Variants in VRK2 observed in about 807,000 individuals in gnomAD.
VRK2 encodes the protein VRK serine/threonine kinase 2, also known as serine/threonine-protein kinase VRK2.
VRK2 carries 60 observed loss-of-function variants against 57.6 expected under a neutral mutation model. That is an observed-to-expected ratio of 1.04 (90% confidence interval 0.85 to 1.29). The LOEUF (loss-of-function observed/expected upper bound fraction) is 1.29, where lower values mean the gene tolerates loss of function less well. Ranked by LOEUF, VRK2 falls within the 50% of genes most tolerant of loss-of-function variation. The pLI is 0.00. For missense variants in VRK2, 705 were observed against 588.1 expected, an observed-to-expected ratio of 1.20 and a Z score of -2.06; for synonymous variants, 231 against 199.2, an observed-to-expected ratio of 1.16 and a Z score of -1.35.
chr2:58,011,489 ATAAT>A (rs1316351233), intron 1 of VRK2, among the ~76,000 whole-genome samples: 4 of 152,194 alleles, frequency 2.6e-5, no homozygotes, highest in African/African-American at 9.6e-5. Context: ...AGTATTGTAA[ATAAT>A]TATTTAGTAT....
At chr2:58,128,988 A>G (rs777846094) in intron 8 of VRK2, among the ~76,000 whole-genome samples, 1 of 152,184 alleles carries the variant, frequency 6.6e-6, no homozygotes, top group Non-Finnish European at 1.5e-5. Flanking sequence ...TTACTTTGGC[A>G]ATACTTTATA....
chr2:57,968,831 T>C (rs1054582621), intron 1 of VRK2, among the ~76,000 whole-genome samples: 2 of 152,050 alleles, frequency 1.3e-5, no homozygotes, highest in Non-Finnish European at 2.9e-5. Flanking sequence ...ATTCATGGAA[T>C]GTTAAAAAAT....
chr2:58,148,643 T>G (rs1475618983), intron 12 of VRK2, among the ~76,000 whole-genome samples: 1 of 151,808 alleles, frequency 6.6e-6, no homozygotes, highest in African/African-American at 2.4e-5. Context: ...TATACAAGGC[T>G]CATGGTTTTA....
In VRK2 at chr2:58,037,950, G is replaced by A. The variant is rs192901854; in HGVS notation, c.-6+4397G>A. Among the ~76,000 whole-genome samples, 50 of 152,180 alleles carry A rather than the reference G, an allele frequency of 3.3e-4. No homozygotes were observed. In the South Asian group the frequency reaches 9.5e-3, roughly 29 times the overall value. On this transcript the variant is annotated intron_variant, in intron 3 of 15. Transcript: ENST00000417641. ...GAAAATATAAAAGACTGAAAAACAG[G>A]CAGTGTAGCAAGTATTCATTCAACA... is the stretch of plus-strand genomic sequence containing the variant.
chr2:57,979,206 G>A (rs911480583), intron 1 of VRK2, among the ~76,000 whole-genome samples: 3 of 150,996 alleles, frequency 2.0e-5, no homozygotes, highest in African/African-American at 7.4e-5. Flanking sequence ...GGGTCAAATG[G>A]TATTTCTGGT....
intron 1 of VRK2, among the ~76,000 whole-genome samples, chr2:57,966,980 G>A (rs991999245): frequency 2.6e-5 from 4 of 152,122 alleles, no homozygotes; most frequent in African/African-American, 9.7e-5. Context: ...TAGTAGAAAC[G>A]TTCGGTTTGA....
chr2:57,933,085 A>G (rs1196827467), intron 1 of VRK2, among the ~76,000 whole-genome samples: 9 of 151,956 alleles, frequency 5.9e-5, no homozygotes, highest in Non-Finnish European at 1.3e-4. Flanking sequence ...TATTTTGTGG[A>G]CTACGATATG....
intron 1 of VRK2, among the ~76,000 whole-genome samples, chr2:57,988,642 G>C (rs1019155574): frequency 1.3e-5 from 2 of 152,164 alleles, no homozygotes; most frequent in Non-Finnish European, 2.9e-5. Context: ...TCTGCCCTAA[G>C]GCATTAGAGT....
intron 1 of VRK2, among the ~76,000 whole-genome samples, chr2:57,919,789 A>G (rs1266066785): frequency 1.3e-5 from 2 of 152,116 alleles, no homozygotes; most frequent in African/African-American, 4.8e-5. Flanking sequence ...TAATGGGAAA[A>G]CACTAATCCA....
Position 58,035,649 on chromosome 2 carries a change from C to G in VRK2, c.-6+2096C>G, listed in dbSNP as rs186572172. On this transcript the variant is annotated intron_variant, in intron 3 of 15. Coordinates refer to the VRK2 transcript ENST00000417641. ...CATTTGAATGTTCATTACCCTTATC[C>G]AATCAATTCAACATTGCTAACTTTA... 9.8e-4 allele frequency among the ~76,000 whole-genome samples: 149 copies of G among 152,098 alleles called. 1 individual carries two copies. Among genetic ancestry groups the G allele is most frequent in the African/African-American group, 3.6e-3 (148 of 41,514 alleles).
In VRK2 at chr2:58,159,589, T is replaced by G. The variant is rs1684750918; in HGVS notation, c.1423T>G (p.Ser475Ala). 6.2e-7 allele frequency: 1 copy of G among 1,613,754 alleles called. No individual in the cohort carries two copies. Among genetic ancestry groups the G allele is most frequent in the African/African-American group, 1.3e-5 (1 of 74,918 alleles). ...ESSTGLWPTI[S>A]QFTLSEETNA... is the part of the protein sequence containing the mutation. ...TTCAACTGGACTTTGGCCTACAATTTCCCAGTTTACTCTTAGTGAAGAGAC... is the reference window on the plus strand; with the variant it reads ...TTCAACTGGACTTTGGCCTACAATTGCCCAGTTTACTCTTAGTGAAGAGAC... The change falls in exon 13 of 13, where the codon TCC becomes GCC. Residue 475 changes from serine (S) to alanine (A), a missense_variant. Coordinates refer to ENST00000340157, the MANE Select transcript of VRK2 (RefSeq NM_006296.7).
chr2:58,072,212 G>C (rs1210338408), intron 2 of VRK2, among the ~76,000 whole-genome samples: 1 of 151,868 alleles, frequency 6.6e-6, no homozygotes, highest in Non-Finnish European at 1.5e-5. Context: ...CATGTCATAT[G>C]TGAACAAAGA....
At chr2:58,024,402 T>TG (rs1194665723) in intron 1 of VRK2, among the ~76,000 whole-genome samples, 1 of 152,028 alleles carries the variant, frequency 6.6e-6, no homozygotes, top group Non-Finnish European at 1.5e-5. Context: ...GAAGTTTTTT[T>TG]GGGGGGGTGC....
intron 8 of VRK2, among the ~76,000 whole-genome samples, chr2:58,125,298 A>G (rs1363315439): frequency 6.6e-6 from 1 of 152,032 alleles, no homozygotes; most frequent in Non-Finnish European, 1.5e-5. Flanking sequence ...AATCTGAAAG[A>G]CCTATTCAAT....
chr2:58,112,075 A>T (rs760385469), intron 7 of VRK2, among the ~76,000 whole-genome samples: 3 of 152,180 alleles, frequency 2.0e-5, no homozygotes, highest in African/African-American at 7.2e-5. Context: ...TGACTTCAAC[A>T]TAATTTCAGA....
intron 1 of VRK2, among the ~76,000 whole-genome samples, chr2:57,939,540 G>T (rs1387858163): frequency 6.6e-6 from 1 of 152,110 alleles, no homozygotes; most frequent in Non-Finnish European, 1.5e-5. Context: ...ACACATGGCT[G>T]CACAGAGCAC....
At chr2:58,118,080 T>C (rs1676802421) in intron 7 of VRK2, among the ~76,000 whole-genome samples, 1 of 151,406 alleles carries the variant, frequency 6.6e-6, no homozygotes, top group Non-Finnish European at 1.5e-5. Flanking sequence ...GGAGAAGGGG[T>C]TGAGGGGTAC....
intron 1 of VRK2, among the ~76,000 whole-genome samples, chr2:57,994,402 T>C (rs187213496): frequency 1.1e-4 from 17 of 152,314 alleles, no homozygotes; most frequent in Admixed American, 6.5e-4. Flanking sequence ...AACTAGGTAA[T>C]TATTTTTCCA....
chr2:57,933,278 C>T (rs1330537584), intron 1 of VRK2, among the ~76,000 whole-genome samples: 1 of 133,040 alleles, frequency 7.5e-6, no homozygotes, highest in South Asian at 2.4e-4. Context: ...TCATCAATTA[C>T]TGTATTGCTA....
Sources: gnomAD v4.1 joint callset for allele counts (sites outside exome capture counted in the v4.1 genomes callset) on GRCh38, gnomAD v4.1.1 for gene constraint, MANE v1.5 for transcripts, NCBI Gene and HGNC (gene_info 2026-07-23, HGNC 2026-07-21) for gene names.